YAP1: variants seen among roughly 807,000 people sequenced by gnomAD.
YAP1 encodes transcriptional coactivator YAP1.
Under a neutral mutation model 56.9 loss-of-function variants are expected in YAP1, and 5 were observed. The ratio of observed to expected loss-of-function variants is 0.09; its 90% CI spans 0.05 to 0.18. The LOEUF (loss-of-function observed/expected upper bound fraction) is 0.18, where lower values mean the gene tolerates loss of function less well. Among genes scored for constraint, YAP1 ranks in the 10% least tolerant of loss-of-function variants. The pLI is 1.00. For synonymous variants in YAP1, 265 were observed against 248.1 expected, an observed-to-expected ratio of 1.07 and a Z score of -0.64; for missense variants, 539 against 651.8, an observed-to-expected ratio of 0.83 and a Z score of 1.88.
At chr11:102,119,556 A>G (rs576224435) in intron 2 of YAP1, among the ~76,000 whole-genome samples, 15 of 151,600 alleles carry the variant, frequency 9.9e-5, no homozygotes, top group African/African-American at 3.6e-4. Context: ...GTCACATTTA[A>G]AAAAAAATAC....
At chr11:102,114,077 G>A in intron 1 of YAP1, 67 bp from the exon 2 acceptor site, 2 of 1,490,448 alleles carry the variant, frequency 1.3e-6, no homozygotes, top group Non-Finnish European at 1.8e-6. Flanking sequence ...AGCGCTGACT[G>A]GGAAATTTAA....
At chr11:102,179,263 T>C (rs1947445136) in intron 3 of YAP1, among the ~76,000 whole-genome samples, 1 of 152,160 alleles carries the variant, frequency 6.6e-6, no homozygotes, top group African/African-American at 2.4e-5. Flanking sequence ...TCAGGCATGA[T>C]AGCCCAGCCT....
chr11:102,205,869 A>ATTTTTTTTTT, intron 4 of YAP1, 24 bp from the exon 5 acceptor site: 1 of 1,401,110 alleles, frequency 7.1e-7, no homozygotes, highest in Non-Finnish European at 9.5e-7. Context: ...TTTAGGACAG[A>ATTTTTTTTTT]TTTTTTTTTT....
At chr11:102,114,028 G>T in intron 1 of YAP1, 116 bp from the exon 2 acceptor site, 2 of 1,101,842 alleles carry the variant, frequency 1.8e-6, no homozygotes, top group East Asian at 5.1e-5. Context: ...ATTAAATGTT[G>T]AAATTTTCCT....
intron 8 of YAP1, among the ~76,000 whole-genome samples, chr11:102,229,242 A>T (rs1950349040): frequency 6.6e-6 from 1 of 152,204 alleles, no homozygotes; most frequent in Non-Finnish European, 1.5e-5. Context: ...TCCTAAGGGT[A>T]GAATAAAGTA....
At chr11:102,184,536 G>A (rs184625737) in intron 3 of YAP1, among the ~76,000 whole-genome samples, 2 of 152,284 alleles carry the variant, frequency 1.3e-5, no homozygotes, top group Admixed American at 6.5e-5. Context: ...AATTCCACAC[G>A]TCTGCATTTC....
chr11:102,197,469 C>T (rs181640129), intron 4 of YAP1, among the ~76,000 whole-genome samples: 22 of 152,088 alleles, frequency 1.4e-4, no homozygotes, highest in African/African-American at 4.3e-4. Flanking sequence ...TAAAAATTGT[C>T]TGAAGTTTGG....
At chr11:102,186,377 C>T (rs1947945379) in intron 4 of YAP1, 1 of 387,110 alleles carries the variant, frequency 2.6e-6, no homozygotes, top group Non-Finnish European at 4.7e-6. Context: ...GCCGACTAAC[C>T]AGAATCACTT....
intron 6 of YAP1, among the ~76,000 whole-genome samples, chr11:102,216,638 G>T (rs1286904909): frequency 2.0e-5 from 3 of 152,120 alleles, no homozygotes; most frequent in Non-Finnish European, 4.4e-5. Context: ...CTACAAAACT[G>T]ATTTCAGTTG....
intron 6 of YAP1, among the ~76,000 whole-genome samples, chr11:102,214,074 C>T (rs1949548805): frequency 6.6e-6 from 1 of 151,836 alleles, no homozygotes; most frequent in Non-Finnish European, 1.5e-5. Flanking sequence ...GAGACTCTGC[C>T]TCAAAAAAAG....
At chr11:102,135,377 G>T (rs1944617125) in intron 2 of YAP1, among the ~76,000 whole-genome samples, 1 of 152,158 alleles carries the variant, frequency 6.6e-6, no homozygotes, top group African/African-American at 2.4e-5. Context: ...TCTTTTCCAT[G>T]CAGCATTGAT....
At chr11:102,184,443 C>T (rs1032446806) in intron 3 of YAP1, among the ~76,000 whole-genome samples, 2 of 152,204 alleles carry the variant, frequency 1.3e-5, no homozygotes, top group African/African-American at 4.8e-5. Context: ...ACAAATTCTA[C>T]CTCTGGACTT....
At chr11:102,152,013 A>C (rs569405326) in intron 2 of YAP1, among the ~76,000 whole-genome samples, 13 of 152,348 alleles carry the variant, frequency 8.5e-5, no homozygotes, top group Non-Finnish European at 1.5e-4. Flanking sequence ...AGGAATAAAC[A>C]GAAGAGGCTT....
chr11:102,136,066 G>A (rs907696082), intron 2 of YAP1, among the ~76,000 whole-genome samples: 4 of 152,192 alleles, frequency 2.6e-5, no homozygotes, highest in Non-Finnish European at 5.9e-5. Context: ...TCTAGGCTGT[G>A]TAAGAGTGGA....
In YAP1 at chr11:102,129,595, G is replaced by A. The variant is rs563567271; in HGVS notation, c.572+15201G>A. On this transcript the variant is annotated intron_variant, in intron 2 of 8. Coordinates refer to ENST00000282441, the MANE Select transcript of YAP1 (RefSeq NM_001130145.3). ...ATTGCGCCATTGCATTCCAGGCTGG[G>A]CAACAGAGCGAGACTCTGTCTCCAA... 1.8e-3 allele frequency among the ~76,000 whole-genome samples: 254 copies of A among 141,312 alleles called. 1 individual carries two copies. The highest frequency in any genetic ancestry group is 2.6e-3 in the Non-Finnish European group (171 of 65,606). The allele number at this position is 141,312 out of a possible 152,430, so 92.7% of individuals were successfully genotyped here.
At chr11:102,120,353 A>C (rs2135154962) in intron 2 of YAP1, among the ~76,000 whole-genome samples, 1 of 152,366 alleles carries the variant, frequency 6.6e-6, no homozygotes, top group African/African-American at 2.4e-5. Context: ...TGCTCCTAGC[A>C]TGAGAAGAAT....
At chr11:102,208,549 T>A (rs1949235771) in intron 5 of YAP1, among the ~76,000 whole-genome samples, 1 of 152,060 alleles carries the variant, frequency 6.6e-6, no homozygotes, top group Admixed American at 6.5e-5. Flanking sequence ...TCTAACAAAT[T>A]ACCATAAAGG....
In YAP1 at chr11:102,122,255, T is replaced by TA. The variant is rs563607627; in HGVS notation, c.572+7866dup. ...GCCAACAGTGAAAACCGATCTCTACTAAAAATAGAAGGAAAAAAAATGGGC... is the reference window on the plus strand; with the variant it reads ...GCCAACAGTGAAAACCGATCTCTACTAAAAAATAGAAGGAAAAAAAATGGGC... On this transcript the variant is annotated intron_variant, in intron 2 of 8. Coordinates refer to ENST00000282441, the MANE Select transcript of YAP1 (RefSeq NM_001130145.3). 8.1e-4 allele frequency among the ~76,000 whole-genome samples: 122 copies of TA among 151,550 alleles called. 1 individual carries two copies. Among genetic ancestry groups the TA allele is most frequent in the African/African-American group, 2.9e-3 (120 of 41,306 alleles).
intron 7 of YAP1, among the ~76,000 whole-genome samples, chr11:102,226,536 T>C (rs976574099): frequency 9.2e-5 from 14 of 152,200 alleles, no homozygotes; most frequent in African/African-American, 3.4e-4. Context: ...GCTGCCTTGA[T>C]TTTATGCGTT....
Sources: allele counts gnomAD v4.1 joint callset (sites outside exome capture counted in the v4.1 genomes callset), GRCh38; gene constraint gnomAD v4.1.1; transcripts MANE v1.5; gene names NCBI Gene and HGNC (gene_info 2026-07-23, HGNC 2026-07-21).